Variants in MRPS9 observed in about 807,000 individuals in gnomAD.
MRPS9 encodes the protein small ribosomal subunit protein uS9m.
In MRPS9, 45 loss-of-function variants were observed where a neutral mutation model predicts 59.9. The ratio of observed to expected loss-of-function variants is 0.75; its 90% confidence interval spans 0.59 to 0.96. MRPS9 has a LOEUF of 0.96. Ranked by LOEUF, MRPS9 falls within the 40% of genes least tolerant of loss-of-function variation. The pLI is 0.00. For synonymous variants in MRPS9, 171 were observed against 166.8 expected (o/e 1.03, Z -0.19); for missense variants, 473 against 481.1 (o/e 0.98, Z 0.16).
intron 1 of MRPS9, among the ~76,000 whole-genome samples, chr2:105,042,045 G>A (rs1462184717): frequency 3.3e-5 from 5 of 152,124 alleles, no homozygotes; most frequent in African/African-American, 1.2e-4. Context: ...GATGATGAAC[G>A]TATCAGTTAT....
chr2:105,039,400 C>T (rs1038395222), intron 1 of MRPS9, among the ~76,000 whole-genome samples: 13 of 149,284 alleles, frequency 8.7e-5, no homozygotes, highest in African/African-American at 1.2e-4. Flanking sequence ...TTGCTACATA[C>T]GCATGATTAT....
At chr2:105,057,722 C>A (rs1436519520) in intron 2 of MRPS9, among the ~76,000 whole-genome samples, 1 of 152,166 alleles carries the variant, frequency 6.6e-6, no homozygotes, top group Non-Finnish European at 1.5e-5. Context: ...ATCAAAAATT[C>A]TTTTACTCAA....
chr2:105,093,984 G>T (rs901691232), intron 9 of MRPS9, among the ~76,000 whole-genome samples: 3 of 152,108 alleles, frequency 2.0e-5, no homozygotes, highest in Non-Finnish European at 4.4e-5. Context: ...TTGGGGATGG[G>T]CGTGCACAAA....
At chr2:105,052,264 G>A (rs73945010) in intron 2 of MRPS9, among the ~76,000 whole-genome samples, 31,480 of 152,028 alleles carry the variant, frequency 0.21, 3,336 homozygotes, top group Middle Eastern at 0.35. Context: ...TTTTTCATGG[G>A]TGCTCTATCA....
intron 1 of MRPS9, among the ~76,000 whole-genome samples, chr2:105,042,257 C>T (rs1000366972): frequency 6.6e-6 from 1 of 152,204 alleles, no homozygotes; most frequent in Non-Finnish European, 1.5e-5. Context: ...GAGTCTGCTT[C>T]TAGGCTCACT....
intron 2 of MRPS9, among the ~76,000 whole-genome samples, chr2:105,065,368 A>C (rs899224636): frequency 7.2e-5 from 11 of 152,218 alleles, no homozygotes; most frequent in African/African-American, 2.4e-4. Context: ...AGTGTAAGCT[A>C]CTTAACTGCT....
intron 2 of MRPS9, among the ~76,000 whole-genome samples, chr2:105,062,418 G>A (rs1679924012): frequency 6.6e-6 from 1 of 152,172 alleles, no homozygotes; most frequent in African/African-American, 2.4e-5. Context: ...AAGGAATCGA[G>A]TCATAGATCT....
intron 10 of MRPS9, 169 bp downstream of exon 10, chr2:105,097,493 T>A: frequency 1.7e-6 from 1 of 587,832 alleles, no homozygotes; most frequent in Non-Finnish European, 2.6e-6. Context: ...TTCTCAGATT[T>A]GATTTCTACA....
intron 9 of MRPS9, among the ~76,000 whole-genome samples, chr2:105,095,744 G>A (rs1263290075): frequency 3.3e-5 from 5 of 151,858 alleles, no homozygotes; most frequent in Non-Finnish European, 5.9e-5. Flanking sequence ...TGATCTGCCC[G>A]CCTCGGCCTC....
chr2:105,093,607 T>G lies in MRPS9; in HGVS notation c.898T>G (p.Tyr300Asp). 1 of 1,606,118 alleles carries G rather than the reference T, an allele frequency of 6.2e-7. No individual in the cohort carries two copies. The highest frequency in any genetic ancestry group is 8.5e-7 in the Non-Finnish European group (1 of 1,175,778). ...SGRIKVNGID[Y>D]QLYFPITQDR... ...AAGAATAAAAGTAAATGGAATTGAT[T>G]ACCAGCTTTACTTCCCGATCACACA... The change falls in exon 9 of 11, where the codon TAC (tyrosine) becomes GAC (aspartate). Residue 300 changes from tyrosine (Y) to aspartate (D), a missense_variant. Coordinates refer to ENST00000258455, the MANE Select transcript of MRPS9 (RefSeq NM_182640.3).
At chr2:105,081,230 A>G (rs1196435149) in intron 5 of MRPS9, among the ~76,000 whole-genome samples, 1 of 152,208 alleles carries the variant, frequency 6.6e-6, no homozygotes, top group Non-Finnish European at 1.5e-5. Context: ...GTGCAGACGC[A>G]AATTTTCTCT....
chr2:105,038,300 C>G, intron 1 of MRPS9, 73 bp downstream of exon 1: 1 of 1,548,278 alleles, frequency 6.5e-7, no homozygotes, highest in Non-Finnish European at 8.7e-7. Flanking sequence ...GACACCTTCC[C>G]CCAGCGTCTC....
At chr2:105,084,179 A>G (rs549220396) in intron 5 of MRPS9, among the ~76,000 whole-genome samples, 25 of 151,812 alleles carry the variant, frequency 1.6e-4, no homozygotes, top group Admixed American at 7.2e-4. Context: ...ACAGTAAACA[A>G]TTGAGTATTT....
At chr2:105,080,142 A>G in intron 5 of MRPS9, 80 bp downstream of exon 5, 1 of 908,108 alleles carries the variant, frequency 1.1e-6, no homozygotes, top group Non-Finnish European at 1.6e-6. Flanking sequence ...TCGCAGCTTC[A>G]GAATTTACCT....
chr2:105,047,969 T>A (rs1211202112), intron 1 of MRPS9, among the ~76,000 whole-genome samples: 1 of 152,012 alleles, frequency 6.6e-6, no homozygotes, highest in East Asian at 1.9e-4. Flanking sequence ...ACTTCCACAA[T>A]GGTTGAACTA....
intron 2 of MRPS9, among the ~76,000 whole-genome samples, chr2:105,054,172 G>A (rs896773985): frequency 2.0e-5 from 3 of 152,074 alleles, no homozygotes; most frequent in African/African-American, 4.8e-5. Flanking sequence ...TAATAATACC[G>A]ACTTGTCTAC....
intron 5 of MRPS9, among the ~76,000 whole-genome samples, chr2:105,085,049 G>A (rs1457709608): frequency 6.6e-6 from 1 of 152,012 alleles, no homozygotes; most frequent in Admixed American, 6.6e-5. Context: ...CATCACTCCT[G>A]GGTGTGGACT....
chr2:105,065,946 G>A (rs1679991103), intron 2 of MRPS9, among the ~76,000 whole-genome samples: 1 of 144,944 alleles, frequency 6.9e-6, no homozygotes, highest in Non-Finnish European at 1.6e-5. Flanking sequence ...ATTTGTAAAA[G>A]AAAAGAAAAA....
intron 2 of MRPS9, among the ~76,000 whole-genome samples, chr2:105,054,600 T>C (rs1379943935): frequency 3.3e-5 from 5 of 151,472 alleles, no homozygotes; most frequent in Non-Finnish European, 2.9e-5. Context: ...TATCGCATTT[T>C]ATTAAATATA....
Sources: gnomAD v4.1 joint callset for allele counts (sites outside exome capture counted in the v4.1 genomes callset) on GRCh38, gnomAD v4.1.1 for gene constraint, MANE v1.5 for transcripts, NCBI Gene and HGNC (gene_info 2026-07-23, HGNC 2026-07-21) for gene names.